The following PCDHA3 variants were observed in gnomAD, a reference collection of about 807,000 sequenced individuals.
The protein encoded by PCDHA3 is protocadherin alpha 3.
In PCDHA3, 41 loss-of-function variants were observed where a neutral mutation model predicts 62.2. The observed-to-expected ratio is 0.66, with a 90% CI of 0.51 to 0.86. The LOEUF (loss-of-function observed/expected upper bound fraction) is 0.86, where lower values mean the gene tolerates loss of function less well. Ranked by LOEUF, PCDHA3 falls within the 40% of genes least tolerant of loss-of-function variation. The probability of loss-of-function intolerance (pLI) is 0.00; values close to 1 mark genes in which losing one functional copy is unlikely to be tolerated. For synonymous variants in PCDHA3, 640 were observed against 555.4 expected, an observed-to-expected ratio of 1.15 and a Z score of -2.14; for missense variants, 1,304 against 1,241.2, an observed-to-expected ratio of 1.05 and a Z score of -0.76.
chr5:140,928,861 A>C (rs781787998), intron 1 of PCDHA3: 3 of 1,614,164 alleles, frequency 1.9e-6, no homozygotes, highest in Non-Finnish European at 2.5e-6. Context: ...TGTGCTGTTG[A>C]GCAACTCTGT....
intron 1 of PCDHA3, among the ~76,000 whole-genome samples, chr5:140,886,387 T>C (rs1245808319): frequency 2.6e-5 from 4 of 152,234 alleles, no homozygotes; most frequent in African/African-American, 9.6e-5. Flanking sequence ...GCTTATCTAT[T>C]ATCTGCATCA....
chr5:140,859,194 A>G (rs1412348145), intron 1 of PCDHA3: 1 of 149,838 alleles, frequency 6.7e-6, no homozygotes, highest in African/African-American at 2.4e-5. Context: ...ATTGCTTATG[A>G]TATTCAGGTA....
chr5:140,989,373 C>G (rs1189877807), intron 3 of PCDHA3, among the ~76,000 whole-genome samples: 1 of 152,088 alleles, frequency 6.6e-6, no homozygotes, highest in Non-Finnish European at 1.5e-5. Flanking sequence ...TGACTGAGAG[C>G]TTTGTGGGAA....
At chr5:140,815,769 A>G (rs990997775) in intron 1 of PCDHA3, 1 of 152,144 alleles carries the variant, frequency 6.6e-6, no homozygotes, top group African/African-American at 2.4e-5. Context: ...AGGCAAGTCT[A>G]ATTGTGATCA....
At chr5:140,947,095 A>T (rs2094086285) in intron 1 of PCDHA3, among the ~76,000 whole-genome samples, 1 of 151,642 alleles carries the variant, frequency 6.6e-6, no homozygotes, top group Non-Finnish European at 1.5e-5. Flanking sequence ...ACTGTAGCCC[A>T]TAAATAGGTA....
intron 1 of PCDHA3, among the ~76,000 whole-genome samples, chr5:140,945,772 T>C (rs538344111): frequency 1.3e-5 from 2 of 152,110 alleles, no homozygotes; most frequent in Non-Finnish European, 2.9e-5. Flanking sequence ...GACAATTTGA[T>C]ATCCAGATGC....
chr5:141,009,372 T>C (rs1026606654), intron 3 of PCDHA3, among the ~76,000 whole-genome samples: 3 of 152,152 alleles, frequency 2.0e-5, no homozygotes, highest in Non-Finnish European at 1.5e-5. Context: ...GATGGGAGGA[T>C]TGATTGAGCA....
intron 1 of PCDHA3, among the ~76,000 whole-genome samples, chr5:140,935,315 A>G (rs552631416): frequency 5.9e-5 from 9 of 152,306 alleles, no homozygotes; most frequent in East Asian, 5.8e-4. Context: ...AACTTCATCA[A>G]TCTTACATTC....
intron 3 of PCDHA3, among the ~76,000 whole-genome samples, chr5:140,994,698 C>G (rs1238723224): frequency 6.6e-6 from 1 of 151,898 alleles, no homozygotes; most frequent in Non-Finnish European, 1.5e-5. Context: ...GAATGAGACC[C>G]TGTCTCAAAA....
At chr5:140,958,844 G>A (rs533464436) in intron 1 of PCDHA3, among the ~76,000 whole-genome samples, 81 of 152,122 alleles carry the variant, frequency 5.3e-4, no homozygotes, top group African/African-American at 1.9e-3. Context: ...TATCATTCCA[G>A]TGTCTTTGGT....
chr5:140,991,885 A>G (rs1554252463), intron 3 of PCDHA3, among the ~76,000 whole-genome samples: 1 of 152,198 alleles, frequency 6.6e-6, no homozygotes, highest in Non-Finnish European at 1.5e-5. Context: ...GGCTGCCATA[A>G]CAAATTAACA....
At chr5:140,997,466 T>G (rs2097771241) in intron 3 of PCDHA3, among the ~76,000 whole-genome samples, 2 of 152,186 alleles carry the variant, frequency 1.3e-5, no homozygotes, top group Admixed American at 1.3e-4. Context: ...CTGTAGGCAA[T>G]TTTTACACAA....
intron 1 of PCDHA3, chr5:140,927,766 GAGGTGCA>G: frequency 6.2e-7 from 1 of 1,614,234 alleles, no homozygotes. Context: ...TAAAAGTGGG[GAGGTGCA>G]AGTAGCTGCT....
At chr5:140,865,143 T>C (rs142181937) in intron 1 of PCDHA3, 3 of 152,352 alleles carry the variant, frequency 2.0e-5, no homozygotes, top group Admixed American at 1.3e-4. Context: ...GAATTTAACA[T>C]TGTATACTTT....
chr5:140,813,771 G>A (rs1418058238), intron 1 of PCDHA3: 1 of 152,316 alleles, frequency 6.6e-6, no homozygotes, highest in East Asian at 1.9e-4. Context: ...TGAGGAAGGA[G>A]GATCACTTAA....
At chr5:140,804,424 T>C (rs1481564521) in intron 1 of PCDHA3, 3 of 152,088 alleles carry the variant, frequency 2.0e-5, no homozygotes, top group African/African-American at 7.2e-5. Flanking sequence ...ATATATTCAT[T>C]TTAAAAGAAT....
chr5:140,966,813 T>C (rs2096057002), intron 1 of PCDHA3: 2 of 1,551,874 alleles, frequency 1.3e-6, no homozygotes, highest in Non-Finnish European at 8.7e-7. Context: ...CATCCACGGC[T>C]CCGGCGGCCC....
chr5:140,994,558 A>G (rs1414971844), intron 3 of PCDHA3, among the ~76,000 whole-genome samples: 4 of 151,948 alleles, frequency 2.6e-5, no homozygotes, highest in Non-Finnish European at 5.9e-5. Context: ...TATAAAAATT[A>G]GCCGGGTGTG....
chr5:140,834,291 G>A, intron 1 of PCDHA3: 1 of 1,201,540 alleles, frequency 8.3e-7, no homozygotes, highest in Non-Finnish European at 1.2e-6. Context: ...CACAACAATG[G>A]CCACACATCG....
Sources: gnomAD v4.1 joint callset for allele counts (sites outside exome capture counted in the v4.1 genomes callset) on GRCh38, gnomAD v4.1.1 for gene constraint, MANE v1.5 for transcripts, NCBI Gene and HGNC (gene_info 2026-07-23, HGNC 2026-07-21) for gene names.